The following SLC25A37 variants were observed in gnomAD, a reference collection of about 807,000 sequenced individuals.
SLC25A37 encodes the protein mitoferrin-1.
SLC25A37 carries 17 observed loss-of-function variants against 31.0 expected under a neutral mutation model. That is an observed-to-expected ratio of 0.55 (90% CI 0.38 to 0.82). The LOEUF is 0.82. Ranked by LOEUF, SLC25A37 falls within the 40% of genes least tolerant of loss-of-function variation. The pLI, the probability that SLC25A37 is intolerant of heterozygous loss-of-function variation, is 0.00. For missense variants in SLC25A37, 404 were observed against 465.8 expected (o/e 0.87, Z 1.22); for synonymous variants, 222 against 193.0 (o/e 1.15, Z -1.24).
chr8:23,559,420 C>G (rs753937706), intron 1 of SLC25A37, among the ~76,000 whole-genome samples: 23 of 152,230 alleles, frequency 1.5e-4, no homozygotes, highest in Non-Finnish European at 2.9e-4. Flanking sequence ...CATCCTGATT[C>G]ATTCATTTCC....
intron 1 of SLC25A37, among the ~76,000 whole-genome samples, chr8:23,551,028 C>T (rs1802209988): frequency 6.6e-6 from 1 of 152,216 alleles, no homozygotes. Flanking sequence ...AACTTGGCCA[C>T]ACCAGACCAG....
At chr8:23,570,455 C>T (rs1210509103) in intron 3 of SLC25A37, among the ~76,000 whole-genome samples, 1 of 151,978 alleles carries the variant, frequency 6.6e-6, no homozygotes, top group East Asian at 1.9e-4. Flanking sequence ...GGAAGTAGTT[C>T]AATGAAAAAC....
At chr8:23,537,007 G>A (rs1337811545) in intron 1 of SLC25A37, among the ~76,000 whole-genome samples, 1 of 152,112 alleles carries the variant, frequency 6.6e-6, no homozygotes, top group Non-Finnish European at 1.5e-5. Flanking sequence ...ACCAGCCTGG[G>A]CAACATAGCG....
intron 1 of SLC25A37, among the ~76,000 whole-genome samples, chr8:23,543,867 T>A (rs2117402013): frequency 6.6e-6 from 1 of 152,258 alleles, no homozygotes; most frequent in Non-Finnish European, 1.5e-5. Flanking sequence ...CTGTACTTTT[T>A]TTTTGTTATT....
intron 1 of SLC25A37, among the ~76,000 whole-genome samples, chr8:23,552,256 T>C (rs1802246978): frequency 6.6e-6 from 1 of 152,222 alleles, no homozygotes; most frequent in Non-Finnish European, 1.5e-5. Flanking sequence ...GATAAACATT[T>C]ATTGAGTACC....
chr8:23,538,374 T>G (rs1236886832), intron 1 of SLC25A37, among the ~76,000 whole-genome samples: 2 of 100,500 alleles, frequency 2.0e-5, no homozygotes, highest in Non-Finnish European at 3.6e-5. Flanking sequence ...GAGCGAGACT[T>G]CATCTCAAAA....
At chr8:23,543,937 C>G (rs112501265) in intron 1 of SLC25A37, among the ~76,000 whole-genome samples, 2 of 151,984 alleles carry the variant, frequency 1.3e-5, no homozygotes, top group Non-Finnish European at 2.9e-5. Context: ...CTCGGCTCAC[C>G]GCAACCTCTG....
chr8:23,566,921 T>G, intron 2 of SLC25A37: 1 of 731,446 alleles, frequency 1.4e-6, no homozygotes, highest in Non-Finnish European at 1.7e-6. Flanking sequence ...TCTGTTTGTC[T>G]GAGTCTCATC....
At chr8:23,569,979 T>A (rs1338947880) in intron 3 of SLC25A37, among the ~76,000 whole-genome samples, 1 of 152,220 alleles carries the variant, frequency 6.6e-6, no homozygotes, top group Non-Finnish European at 1.5e-5. Flanking sequence ...GCCTGTCTTT[T>A]GTCTTTCAAG....
intron 1 of SLC25A37, among the ~76,000 whole-genome samples, chr8:23,558,907 G>C (rs1165436893): frequency 6.6e-6 from 1 of 152,216 alleles, no homozygotes; most frequent in Non-Finnish European, 1.5e-5. Flanking sequence ...CCCTCCAGGG[G>C]CCAGCCACAC....
At chr8:23,547,165 A>T (rs779206634) in intron 1 of SLC25A37, among the ~76,000 whole-genome samples, 6 of 152,220 alleles carry the variant, frequency 3.9e-5, no homozygotes, top group Non-Finnish European at 8.8e-5. Context: ...CTTCTACCAG[A>T]AGTGAGTGAT....
intron 1 of SLC25A37, among the ~76,000 whole-genome samples, chr8:23,542,752 A>C (rs4872150): frequency 0.092 from 13,735 of 149,218 alleles, 907 homozygotes; most frequent in East Asian, 0.34. Flanking sequence ...TTCCAGAAGA[A>C]GGCATTGCGA....
chr8:23,563,458 A>T (rs954606166), intron 1 of SLC25A37, among the ~76,000 whole-genome samples: 2 of 152,210 alleles, frequency 1.3e-5, no homozygotes, highest in African/African-American at 4.8e-5. Context: ...AAGCGCCAGG[A>T]TTACAGGTGT....
rs1242804207 is a variant in SLC25A37, at chr8:23,571,974, C to A, written c.*119C>A. On this transcript the variant is annotated 3_prime_UTR_variant, in exon 4 of 4. Transcript: ENST00000519973. ...GGGTGCTGCCTATGGGCCCTCTGCT[C>A]CCCAATGCCTTAGAGAGAGGAGGGG... is the stretch of plus-strand genomic sequence containing the variant. The A allele has an allele frequency of 1.8e-6, 2 of 1,129,228 alleles. No homozygotes were observed. Among genetic ancestry groups the A allele is most frequent in the East Asian group, 5.0e-5 (2 of 39,726 alleles). 70.0% of individuals were successfully genotyped at this position (1,129,228 alleles called of 1,614,324 possible). A position where few individuals can be genotyped will look rare whatever the true frequency, so the allele number is the denominator to read the frequency against.
rs1801609133 is a variant in SLC25A37, at chr8:23,529,188, CA to C, written c.187del (p.Met63CysfsTer7). ...TGGCCGGGATCCTGGAGCACTCGGT[CA>C]TGTACCCGGTGGACTCGGTGAAGGT... ...AMAGILEHSVMYPVDSVKTRM... is the reference protein window; with the variant it reads ...AMAGILEHSVXYPVDSVKTRM... On this transcript the variant is annotated frameshift_variant, in exon 1 of 4. Transcript: ENST00000519973. LOFTEE classifies it high-confidence loss of function. The surrounding 1 kb of genome is among the most constrained non-coding windows in gnomAD (Gnocchi z 4.1). 6.2e-7 allele frequency: 1 copy of C among 1,610,570 alleles called. No individual in the cohort carries two copies. Among genetic ancestry groups the C allele is most frequent in the African/African-American group, 1.3e-5 (1 of 74,496 alleles).
At chr8:23,533,145 C>T (rs1161594365) in intron 1 of SLC25A37, among the ~76,000 whole-genome samples, 1 of 152,124 alleles carries the variant, frequency 6.6e-6, no homozygotes, top group Non-Finnish European at 1.5e-5. Flanking sequence ...AGTCCTGTTC[C>T]TTGTTTCATG....
chr8:23,539,570 G>A (rs918112019), intron 1 of SLC25A37, among the ~76,000 whole-genome samples: 4 of 152,192 alleles, frequency 2.6e-5, no homozygotes, highest in Non-Finnish European at 5.9e-5. Context: ...GCGGGGTGTG[G>A]GCCCCGTGAA....
chr8:23,568,089 A>G (rs1262358858), intron 2 of SLC25A37: 2 of 587,644 alleles, frequency 3.4e-6, no homozygotes, highest in African/African-American at 1.9e-5. Context: ...AAAGAAAACC[A>G]TGTTTTTGCA....
chr8:23,565,502 A>G (rs1802629871), intron 1 of SLC25A37, among the ~76,000 whole-genome samples: 1 of 150,288 alleles, frequency 6.7e-6, no homozygotes, highest in African/African-American at 2.4e-5. Context: ...AAAAAAAAAA[A>G]GAAATTAAGA....
Sources: gnomAD v4.1 joint callset for allele counts (sites outside exome capture counted in the v4.1 genomes callset) on GRCh38, gnomAD v4.1.1 for gene constraint, Gnocchi (gnomAD v3.1) non-coding constraint, MANE v1.5 for transcripts, NCBI Gene and HGNC (gene_info 2026-07-23, HGNC 2026-07-21) for gene names.